Variants in TRANK1 observed in about 807,000 individuals in gnomAD.
The protein encoded by TRANK1 is TPR and ankyrin repeat-containing protein 1.
A neutral mutation model predicts 266.0 loss-of-function variants in TRANK1; 198 were observed. That is an observed-to-expected ratio of 0.74 (90% CI 0.66 to 0.84). TRANK1 has a LOEUF of 0.84. TRANK1 is among the 40% of genes least tolerant of loss of function. The probability of loss-of-function intolerance (pLI) is 0.00; values close to 1 mark genes in which losing one functional copy is unlikely to be tolerated. For synonymous variants in TRANK1, 1,396 were observed against 1,384.1 expected, an observed-to-expected ratio of 1.01 and a Z score of -0.19; for missense variants, 3,326 against 3,634.6, an observed-to-expected ratio of 0.92 and a Z score of 2.18.
chr3:36,837,563 A>G lies in TRANK1; in HGVS notation c.5517+809T>C, dbSNP rs533604273. 3.7e-4 allele frequency among the ~76,000 whole-genome samples: 57 copies of G among 152,352 alleles called. No homozygotes were observed. The Middle Eastern group carries it at 0.01, about 27-fold the overall frequency. The stretch of plus-strand genomic sequence containing the variant: ...CAGCTCCTTAAGCACAGTTTCTCCA[A>G]CTACCTGTGGTAAGGGACCAAATCA... On this transcript the variant is annotated intron_variant, in intron 20 of 23. Transcript: ENST00000645898.
chr3:36,833,941 A>G, intron 21 of TRANK1, 22 bp from the exon 22 acceptor site: 1 of 1,570,118 alleles, frequency 6.4e-7, no homozygotes, highest in Non-Finnish European at 8.6e-7. Context: ...AAGGACACAA[A>G]TGTCAACTTG....
intron 1 of TRANK1, among the ~76,000 whole-genome samples, chr3:36,930,849 T>C (rs996763689): frequency 6.6e-6 from 1 of 152,192 alleles, no homozygotes; most frequent in Non-Finnish European, 1.5e-5. Context: ...TATTTTGACA[T>C]TGTGGTGGTG....
rs778583230 is a variant in TRANK1 at position 36,833,566 on chromosome 3, A to G, written c.6017T>C (p.Ile2006Thr). 2 of 1,613,938 alleles carry G rather than the reference A, an allele frequency of 1.2e-6. No homozygotes were observed. The highest frequency in any genetic ancestry group is 1.1e-5 in the South Asian group (1 of 91,090). Residue 2006 changes from isoleucine (I) to threonine (T), a missense_variant, in exon 22 of 24, where the codon ATA becomes ACA. Physicochemically the swap from Ile to Thr is moderately conservative, Grantham distance 89. Transcript: ENST00000645898. ...ARLNVARDSD[I>T]EHTKDILREA... ...TCTCAGAATGTCCTTGGTGTGTTCT[A>G]TGTCGGAATCCCTGGCCACATTGAG...
rs1491521555 is a variant in TRANK1 at position 36,879,779 on chromosome 3, TAA to T, written c.908-5485_908-5484del. Among the ~76,000 whole-genome samples, 4 of 65,810 alleles carry T rather than the reference TAA, an allele frequency of 6.1e-5. 1 individual carries two copies. Among genetic ancestry groups the T allele is most frequent in the Middle Eastern group, 0.013 (1 of 76 alleles). The allele number at this position is 65,810 out of a possible 152,430, so 43.2% of individuals were successfully genotyped here. Reference sequence around the variant, plus strand: ...ATATATAAATATATATAAATATATATAAATATGTAAATATATAAATATACAAA... The same window carrying T: ...ATATATAAATATATATAAATATATATATATGTAAATATATAAATATACAAA... On this transcript the variant is annotated intron_variant, in intron 8 of 23. Transcript: ENST00000645898.
chr3:36,890,855 C>A (rs2079682973), intron 7 of TRANK1, among the ~76,000 whole-genome samples: 1 of 152,196 alleles, frequency 6.6e-6, no homozygotes, highest in South Asian at 2.1e-4. Context: ...AAGGCTCAAT[C>A]TTACTGATAC....
At chr3:36,875,500 A>C (rs2079374578) in intron 8 of TRANK1, among the ~76,000 whole-genome samples, 1 of 152,236 alleles carries the variant, frequency 6.6e-6, no homozygotes, top group African/African-American at 2.4e-5. Context: ...CCAGATGAGA[A>C]CATAGCCAAA....
At chr3:36,904,779 T>C (rs943436975) in intron 2 of TRANK1, among the ~76,000 whole-genome samples, 5 of 152,036 alleles carry the variant, frequency 3.3e-5, no homozygotes, top group African/African-American at 1.2e-4. Context: ...AAGGGAGCAG[T>C]GACCGCAAGT....
intron 1 of TRANK1, among the ~76,000 whole-genome samples, chr3:36,937,020 C>A (rs1259482783): frequency 6.6e-6 from 1 of 152,024 alleles, no homozygotes; most frequent in Non-Finnish European, 1.5e-5. Context: ...TTGCTTGAGC[C>A]CGGGAGGCGG....
At chr3:36,829,407 CTAGTAATTTGA>C (rs2078666247) in intron 23 of TRANK1, among the ~76,000 whole-genome samples, 146 bp downstream of exon 23, 1 of 152,148 alleles carries the variant, frequency 6.6e-6, no homozygotes, top group African/African-American at 2.4e-5. Context: ...TATTATGTTG[CTAGTAATTTGA>C]GTCACTGGAG....
Position 36,885,293 on chromosome 3 carries a change from TC to T in TRANK1, c.907+4535del, listed in dbSNP as rs1410397384. On this transcript the variant is annotated intron_variant, in intron 8 of 23. Coordinates refer to ENST00000645898, the MANE Select transcript of TRANK1 (RefSeq NM_001329998.2). ...ATACAAAATCATTTCTGTAATATTC[TC>T]ACCAAAAACACATAACTTCATTCCA... Among the ~76,000 whole-genome samples the T allele has an allele frequency of 5.9e-5, 9 of 152,286 alleles. No homozygotes were observed. The South Asian group carries it at 6.2e-4, about 11-fold the overall frequency.
At position 36,851,707 on chromosome 3, in the gene TRANK1, G is replaced by A; in HGVS notation, c.4887+12C>T. The A allele has an allele frequency of 6.2e-7, 1 of 1,603,900 alleles. No homozygotes were observed. Among genetic ancestry groups the A allele is most frequent in the Non-Finnish European group, 8.5e-7 (1 of 1,177,172 alleles). ...AATATTCATTGTGTGAAAAGAATTA[G>A]GTGTGACATACCTCAGAATCAGTAA... On this transcript the variant is annotated intron_variant, in intron 15 of 23. Transcript: ENST00000645898.
intron 1 of TRANK1, among the ~76,000 whole-genome samples, chr3:36,918,590 GGAAGGAAGGAAGGAAGGAAAGAAAGAAA>G (rs2080167837): frequency 1.3e-4 from 9 of 70,834 alleles, no homozygotes; most frequent in African/African-American, 5.4e-4. Flanking sequence ...AAGGAAGGAA[GGAAGGAAGGAAGGAAGGAAAGAAAGAAA>G]GAAAGAAAGA....
At chr3:36,886,172 T>C (rs2079602951) in intron 8 of TRANK1, among the ~76,000 whole-genome samples, 1 of 145,072 alleles carries the variant, frequency 6.9e-6, no homozygotes, top group Non-Finnish European at 1.5e-5. Context: ...ACTTGCTCTG[T>C]TGCCCAGGCT....
intron 1 of TRANK1, 115 bp downstream of exon 1, chr3:36,944,672 C>T (rs2125677425): frequency 7.9e-7 from 1 of 1,264,344 alleles, no homozygotes; most frequent in Non-Finnish European, 1.1e-6. Context: ...CCGGGCGGGC[C>T]CGTTCGGCCG....
At chr3:36,886,106 G>A (rs1017029962) in intron 8 of TRANK1, among the ~76,000 whole-genome samples, 1 of 149,470 alleles carries the variant, frequency 6.7e-6, no homozygotes, top group Admixed American at 6.7e-5. Flanking sequence ...GGAAGAAAAG[G>A]CCCTTCTTTT....
intron 5 of TRANK1, 111 bp downstream of exon 5, chr3:36,895,529 C>T: frequency 3.2e-6 from 2 of 628,360 alleles, no homozygotes; most frequent in Middle Eastern, 2.6e-4. Flanking sequence ...TAAAAATTTA[C>T]CCTGGCATCA....
At position 36,856,313 on chromosome 3, in the gene TRANK1, C is replaced by G; in HGVS notation, c.3409G>C (p.Glu1137Gln). The change falls in exon 13 of 24, where the codon GAG becomes CAG. Residue 1137 changes from glutamate (E) to glutamine (Q), a missense_variant. Physicochemically the swap from Glu to Gln is conservative, Grantham distance 29 (BLOSUM62 2). Transcript: ENST00000645898. ...SPGGEEEEEE[E>Q]DEEEEDSIEV... ...ATAGAATCTTCCTCTTCCTCGTCCT[C>G]TTCCTCCTCCTCTTCCTCCCCACCT... The G allele has an allele frequency of 6.3e-7, 1 of 1,577,296 alleles. No individual in the cohort carries two copies. Among genetic ancestry groups the G allele is most frequent in the South Asian group, 1.1e-5 (1 of 87,384 alleles).
Position 36,856,066 on chromosome 3 carries a change from G to C in TRANK1, c.3656C>G (p.Thr1219Ser), listed in dbSNP as rs1451222470. 1.2e-6 allele frequency: 2 copies of C among 1,613,844 alleles called. No individual in the cohort carries two copies. The highest frequency in any genetic ancestry group is 2.2e-5 in the East Asian group (1 of 44,832). The change falls in exon 13 of 24, where the codon ACT (threonine) becomes AGT (serine). Residue 1219 changes from threonine (T) to serine (S), a missense_variant. Physicochemically the swap from Thr to Ser is moderately conservative, Grantham distance 58. Transcript: ENST00000645898. ...FIELSKSTKATSHYKPLDPNI... is the reference protein window; with the variant it reads ...FIELSKSTKASSHYKPLDPNI... ...GGGGTCCAGTGGTTTGTAATGACTA[G>C]TGGCCTTGGTGGACTTGGAAAGCTC...
chr3:36,866,416 T>C (rs922292901), intron 9 of TRANK1, among the ~76,000 whole-genome samples: 6 of 152,190 alleles, frequency 3.9e-5, no homozygotes, highest in African/African-American at 1.4e-4. Flanking sequence ...ACACCAGATT[T>C]GTCCACAAGT....
Sources: gnomAD v4.1 joint callset for allele counts (sites outside exome capture counted in the v4.1 genomes callset) on GRCh38, gnomAD v4.1.1 for gene constraint, MANE v1.5 for transcripts, NCBI Gene and HGNC (gene_info 2026-07-23, HGNC 2026-07-21) for gene names.